The following CEP295 variants were observed in gnomAD, a reference collection of about 807,000 sequenced individuals.
CEP295 encodes centrosomal protein of 295 kDa.
In CEP295, 190 loss-of-function variants were observed where a neutral mutation model predicts 291.6. The observed-to-expected ratio is 0.65, with a 90% CI of 0.58 to 0.73. The LOEUF (loss-of-function observed/expected upper bound fraction) is 0.73. Among genes scored for constraint, CEP295 ranks in the 30% least tolerant of loss-of-function variants. CEP295 has a pLI of 0.00. For missense variants in CEP295, 2,863 were observed against 2,949.4 expected, an observed-to-expected ratio of 0.97 and a Z score of 0.68; for synonymous variants, 993 against 1,038.8, an observed-to-expected ratio of 0.96 and a Z score of 0.85.
At position 93,697,405 on chromosome 11, in the gene CEP295, T is replaced by G; in HGVS notation, c.2493T>G (p.Asp831Glu). Residue 831 changes from aspartate to glutamate, a missense_variant, in exon 15 of 30, where the codon GAT becomes GAG. Around this residue, in one of 3 missense-constraint regions of CEP295, gnomAD observed 2,295 missense variants for 2,335.7 expected, o/e 0.98. Coordinates refer to ENST00000325212, the MANE Select transcript of CEP295 (RefSeq NM_033395.2). ...ATTCTATAATCAGCCAAATGCATGATAGGCCTTTGCTGCCGTCAGAGAATA... is the reference window on the plus strand; with the variant it reads ...ATTCTATAATCAGCCAAATGCATGAGAGGCCTTTGCTGCCGTCAGAGAATA... ...TSHSIISQMHDRPLLPSENIT... is the reference protein window; with the variant it reads ...TSHSIISQMHERPLLPSENIT... The G allele has an allele frequency of 6.4e-7, 1 of 1,552,186 alleles. No individual in the cohort carries two copies. Among genetic ancestry groups the G allele is most frequent in the Non-Finnish European group, 8.7e-7 (1 of 1,147,090 alleles).
chr11:93,700,071 T>G lies in CEP295; in HGVS notation c.5159T>G (p.Val1720Gly). The G allele has an allele frequency of 6.4e-7, 1 of 1,551,796 alleles. No homozygotes were observed. Among genetic ancestry groups the G allele is most frequent in the Non-Finnish European group, 8.7e-7 (1 of 1,147,014 alleles). Residue 1720 changes from valine to glycine, a missense_variant, in exon 15 of 30, where the codon GTT (valine) becomes GGT (glycine). Physicochemically the swap from Val to Gly is moderately radical, Grantham distance 109 (BLOSUM62 -3). Transcript: ENST00000325212. ...AAACAGTTGGATCTACAAAGAGAAG[T>G]TCTGCATTATAGCCAGAAAGCCCAG... ...LQKQLDLQRE[V>G]LHYSQKAQEK...
intron 25 of CEP295, chr11:93,729,056 T>C: frequency 1.9e-6 from 1 of 528,938 alleles, no homozygotes; most frequent in South Asian, 2.7e-5. Context: ...AGAACTAATC[T>C]TATACACCTA....
rs747273102 is a variant in CEP295 at position 93,725,662 on chromosome 11, T to C, written c.6330T>C (p.Ser2110=). ...DNRDFYQRSD[S]SSESHCATGL... Reference sequence around the variant, plus strand: ...TTGTTTCCTGCCAGAGATCAGATTCTTCATCTGAAAGCCACTGTGCTACTG... The same window carrying C: ...TTGTTTCCTGCCAGAGATCAGATTCCTCATCTGAAAGCCACTGTGCTACTG... Residue 2110 remains serine (S), a synonymous_variant, in exon 23 of 30, where the codon TCT becomes TCC. Coordinates refer to ENST00000325212, the MANE Select transcript of CEP295 (RefSeq NM_033395.2). 1.9e-6 allele frequency: 3 copies of C among 1,539,928 alleles called. No homozygotes were observed. In the African/African-American group the frequency reaches 4.1e-5, roughly 21 times the overall value.
At chr11:93,688,032 A>G (rs1463381363) in intron 10 of CEP295, among the ~76,000 whole-genome samples, 167 bp downstream of exon 10, 2 of 152,162 alleles carry the variant, frequency 1.3e-5, no homozygotes, top group Admixed American at 6.5e-5. Context: ...CTTCTTCCGG[A>G]CCACTTTTAA....
At chr11:93,716,179 G>T (rs1591127349) in intron 18 of CEP295, among the ~76,000 whole-genome samples, 1 of 152,174 alleles carries the variant, frequency 6.6e-6, no homozygotes, top group East Asian at 1.9e-4. Flanking sequence ...CCAACTGCTA[G>T]AGTGGATACT....
chr11:93,662,199 A>G (rs971205845), intron 1 of CEP295, among the ~76,000 whole-genome samples: 3 of 152,210 alleles, frequency 2.0e-5, no homozygotes, highest in East Asian at 1.9e-4. Context: ...TGCCACCTTA[A>G]TCTCACAGTT....
At chr11:93,721,808 A>G in intron 19 of CEP295, 146 bp from the exon 20 acceptor site, 1 of 726,916 alleles carries the variant, frequency 1.4e-6, no homozygotes, top group Non-Finnish European at 2.5e-6. Context: ...GGCAATGATG[A>G]AAAGGTTTTA....
At chr11:93,665,079 A>G (rs1047898567) in intron 1 of CEP295, among the ~76,000 whole-genome samples, 1 of 152,220 alleles carries the variant, frequency 6.6e-6, no homozygotes, top group Non-Finnish European at 1.5e-5. Context: ...GAATTATCAG[A>G]GGACAGCTTC....
At chr11:93,729,123 T>C (rs1937919615) in intron 25 of CEP295, 3 of 493,844 alleles carry the variant, frequency 6.1e-6, no homozygotes, top group Non-Finnish European at 1.1e-5. Flanking sequence ...TATTGAAAAA[T>C]GACTTCAGAA....
intron 8 of CEP295, 74 bp from the exon 9 acceptor site, chr11:93,683,890 C>T (rs930145674): frequency 6.7e-7 from 1 of 1,486,704 alleles, no homozygotes; most frequent in Non-Finnish European, 9.0e-7. Context: ...ATTACCGTGG[C>T]CTTTGCATTT....
intron 25 of CEP295, 113 bp from the exon 26 acceptor site, chr11:93,729,319 TAA>T: frequency 4.2e-6 from 3 of 722,732 alleles, no homozygotes; most frequent in Non-Finnish European, 7.2e-6. Context: ...TAGACCCAGC[TAA>T]GATTGAGGCT....
At chr11:93,700,298 CTG>C (rs1282464738) in intron 15 of CEP295, 112 bp downstream of exon 15, 2 of 986,946 alleles carry the variant, frequency 2.0e-6, no homozygotes, top group East Asian at 2.6e-5. Context: ...TTGACCTTAA[CTG>C]TGCTTTGATT....
Position 93,691,679 on chromosome 11 carries a change from A to G in CEP295, c.1337-4A>G, listed in dbSNP as rs1036318863. 2.7e-6 allele frequency: 4 copies of G among 1,503,270 alleles called. No individual in the cohort carries two copies. Among genetic ancestry groups the G allele is most frequent in the Admixed American group, 2.1e-5 (1 of 48,120 alleles). The allele number at this position is 1,503,270 out of a possible 1,614,324, so 93.1% of individuals were successfully genotyped here. ...CAAAATAACAGTGGTATTATCTATTACAGTTGTTGAAAGTGATACACTAAC... is the reference window on the plus strand; with the variant it reads ...CAAAATAACAGTGGTATTATCTATTGCAGTTGTTGAAAGTGATACACTAAC... On this transcript the variant is annotated splice_region_variant and splice_polypyrimidine_tract_variant and intron_variant, in intron 10 of 29. Coordinates refer to ENST00000325212, the MANE Select transcript of CEP295 (RefSeq NM_033395.2).
At chr11:93,683,430 G>T in intron 7 of CEP295, 129 bp from the exon 8 acceptor site, 2 of 642,358 alleles carry the variant, frequency 3.1e-6, no homozygotes, top group East Asian at 3.1e-5. Flanking sequence ...CTGTCTTTTG[G>T]CTGAACAAAT....
At position 93,696,831 on chromosome 11, in the gene CEP295, C is replaced by T. The variant is rs1951868472; in HGVS notation, c.1919C>T (p.Ala640Val). The T allele has an allele frequency of 1.9e-6, 3 of 1,551,644 alleles. No homozygotes were observed. The highest frequency in any genetic ancestry group is 1.7e-6 in the Non-Finnish European group (2 of 1,146,964). Residue 640 changes from alanine (A) to valine (V), a missense_variant, in exon 15 of 30, where the codon GCT (alanine) becomes GTT (valine). Around this residue, in one of 3 missense-constraint regions of CEP295, gnomAD observed 2,295 missense variants for 2,335.7 expected, o/e 0.98. Coordinates refer to ENST00000325212, the MANE Select transcript of CEP295 (RefSeq NM_033395.2). The stretch of plus-strand genomic sequence containing the variant: ...TCATGGAAATCTGAGAGACCGACTG[C>T]TATATCAGAGCATTGGGATCAAGGT... ...VPSWKSERPT[A>V]ISEHWDQGQR...
At chr11:93,711,607 A>G (rs1275226320) in intron 18 of CEP295, among the ~76,000 whole-genome samples, 3 of 152,112 alleles carry the variant, frequency 2.0e-5, no homozygotes, top group South Asian at 2.1e-4. Context: ...GACTCAAGCA[A>G]TTCTTCTGCC....
chr11:93,697,125 C>T lies in CEP295; in HGVS notation c.2213C>T (p.Ser738Leu), dbSNP rs549041108. 2 of 1,551,802 alleles carry T rather than the reference C, an allele frequency of 1.3e-6. No individual in the cohort carries two copies. The highest frequency in any genetic ancestry group is 4.9e-5 in the East Asian group (2 of 40,924). Residue 738 changes from serine to leucine, a missense_variant, in exon 15 of 30, where the codon TCA becomes TTA. Around this residue, in one of 3 missense-constraint regions of CEP295, gnomAD observed 2,295 missense variants for 2,335.7 expected, o/e 0.98. Coordinates refer to ENST00000325212, the MANE Select transcript of CEP295 (RefSeq NM_033395.2). ...TCTGAGACACTTTCAAGGGCTTTGT[C>T]ACATGACAGGCAGCTAATATCACAG... The part of the protein sequence containing the change: ...KDSETLSRAL[S>L]HDRQLISQDA...
intron 15 of CEP295, among the ~76,000 whole-genome samples, chr11:93,701,923 A>G (rs1041464026): frequency 2.6e-5 from 4 of 151,956 alleles, no homozygotes; most frequent in African/African-American, 7.2e-5. Flanking sequence ...TTTTAAGTCC[A>G]AGGCTGTGAA....
rs768506759 is a variant in CEP295, at chr11:93,725,759, C to A, written c.6427C>A (p.Pro2143Thr). 7 of 1,551,638 alleles carry A rather than the reference C, an allele frequency of 4.5e-6. No individual in the cohort carries two copies. In the African/African-American group the frequency reaches 5.5e-5, roughly 12 times the overall value. Residue 2143 changes from proline to threonine, a missense_variant, in exon 23 of 30, where the codon CCG (proline) becomes ACG (threonine). Pro to Thr is a conservative substitution (Grantham distance 38). This residue lies in a region of CEP295 where 2,295 missense variants were observed against 2,335.7 expected (regional missense o/e 0.98). Coordinates refer to ENST00000325212, the MANE Select transcript of CEP295 (RefSeq NM_033395.2). ...TSMHSSLNTS[P>T]NQQPDTNLAH... ...CATGCATTCTTCTCTTAACACAAGT[C>A]CGAATCAACAACCTGACACTAACTT...
Sources: gnomAD v4.1 joint callset for allele counts (sites outside exome capture counted in the v4.1 genomes callset) on GRCh38, gnomAD v4.1.1 for gene constraint, gnomAD v4.1.1 regional missense constraint, MANE v1.5 for transcripts, NCBI Gene and HGNC (gene_info 2026-07-23, HGNC 2026-07-21) for gene names.